Variants in ELMO1 observed in about 807,000 individuals in gnomAD.
ELMO1 encodes engulfment and cell motility 1.
In ELMO1, 26 loss-of-function variants were observed where a neutral mutation model predicts 98.9. That is an observed-to-expected ratio of 0.26 (90% CI 0.19 to 0.36). The LOEUF is 0.36. ELMO1 is among the 10% of genes least tolerant of loss of function. ELMO1 has a pLI of 1.00. For synonymous variants in ELMO1, 346 were observed against 346.0 expected (o/e 1.00, Z 0.00); for missense variants, 627 against 935.2 (o/e 0.67, Z 4.30).
chr7:37,315,475 C>G (rs1023839324), intron 3 of ELMO1, among the ~76,000 whole-genome samples: 7 of 152,136 alleles, frequency 4.6e-5, no homozygotes, highest in African/African-American at 1.7e-4. Flanking sequence ...TTCTTTAGAG[C>G]AGCCACAAAG....
chr7:37,384,348 C>T (rs1422327122), intron 1 of ELMO1, among the ~76,000 whole-genome samples: 1 of 152,090 alleles, frequency 6.6e-6, no homozygotes, highest in East Asian at 1.9e-4. Flanking sequence ...AAAGTGCAAA[C>T]CATTAGAAAA....
At position 37,395,928 on chromosome 7, in the gene ELMO1, T is replaced by C. The variant is rs111758507; in HGVS notation, c.-74+52747A>G. ...AGTGAGAAAAAATGCAATAGTGTCA[T>C]AGTTTTTTGTAGGCAGTCTCAGCTT... On this transcript the variant is annotated intron_variant, in intron 1 of 21. Coordinates refer to ENST00000310758, the MANE Select transcript of ELMO1 (RefSeq NM_014800.11). Among the ~76,000 whole-genome samples, 461 of 151,592 alleles carry C rather than the reference T, an allele frequency of 3.0e-3. 2 individuals carry two copies. Among genetic ancestry groups the C allele is most frequent in the African/African-American group, 0.011 (436 of 41,494 alleles).
At chr7:36,923,632 G>A (rs1414413858) in intron 16 of ELMO1, among the ~76,000 whole-genome samples, 1 of 152,158 alleles carries the variant, frequency 6.6e-6, no homozygotes, top group Non-Finnish European at 1.5e-5. Context: ...GGCACATCCT[G>A]AATTACCTCT....
At chr7:37,316,415 G>C (rs1162107955) in intron 2 of ELMO1, among the ~76,000 whole-genome samples, 1 of 152,216 alleles carries the variant, frequency 6.6e-6, no homozygotes, top group Non-Finnish European at 1.5e-5. Flanking sequence ...AATGGAAAAT[G>C]AGGTGTTACG....
At chr7:37,049,128 C>G (rs116984728) in intron 15 of ELMO1, among the ~76,000 whole-genome samples, 1 of 152,126 alleles carries the variant, frequency 6.6e-6, no homozygotes, top group African/African-American at 2.4e-5. Flanking sequence ...AGCGACCACC[C>G]TGTTAATGTT....
intron 1 of ELMO1, among the ~76,000 whole-genome samples, chr7:37,432,191 A>T (rs1384598240): frequency 6.6e-6 from 1 of 152,134 alleles, no homozygotes; most frequent in Non-Finnish European, 1.5e-5. Context: ...TGATCTATGA[A>T]GTTTTAGTTC....
intron 14 of ELMO1, among the ~76,000 whole-genome samples, chr7:37,127,282 G>T (rs2541074): frequency 0.24 from 36,274 of 152,132 alleles, 5,409 homozygotes; most frequent in African/African-American, 0.43. Flanking sequence ...GACTTCAGAA[G>T]ATCTTTAACT....
chr7:37,324,622 C>T (rs1799701117), intron 2 of ELMO1, among the ~76,000 whole-genome samples: 1 of 152,190 alleles, frequency 6.6e-6, no homozygotes, highest in African/African-American at 2.4e-5. Context: ...CACTCCGTCA[C>T]AAAGGCTGGA....
intron 20 of ELMO1, 90 bp from the exon 21 acceptor site, chr7:36,861,826 G>A (rs1035099597): frequency 4.7e-6 from 6 of 1,266,872 alleles, no homozygotes; most frequent in Non-Finnish European, 6.9e-6. Context: ...CCATGGCATA[G>A]GGCCAGCTTG....
chr7:37,280,111 C>G (rs1390736274), intron 4 of ELMO1, among the ~76,000 whole-genome samples: 1 of 152,210 alleles, frequency 6.6e-6, no homozygotes, highest in Non-Finnish European at 1.5e-5. Flanking sequence ...AGAGAACACC[C>G]TTTTCAACAA....
chr7:37,061,880 T>G (rs534167493), intron 15 of ELMO1, among the ~76,000 whole-genome samples: 1 of 152,262 alleles, frequency 6.6e-6, no homozygotes, highest in Non-Finnish European at 1.5e-5. Context: ...TCCTTTTCAT[T>G]CCTAATATTC....
At chr7:37,124,649 T>C (rs1398708602) in intron 14 of ELMO1, among the ~76,000 whole-genome samples, 1 of 152,160 alleles carries the variant, frequency 6.6e-6, no homozygotes, top group South Asian at 2.1e-4. Context: ...TACAAACAAA[T>C]GGAAGAACAT....
intron 1 of ELMO1, among the ~76,000 whole-genome samples, chr7:37,368,289 A>T (rs968863754): frequency 6.6e-6 from 1 of 152,216 alleles, no homozygotes; most frequent in African/African-American, 2.4e-5. Context: ...GTATAAATCA[A>T]TATATTAAAG....
chr7:36,895,124 A>G, intron 16 of ELMO1, 107 bp from the exon 17 acceptor site: 1 of 1,267,850 alleles, frequency 7.9e-7, no homozygotes, highest in Non-Finnish European at 1.1e-6. Flanking sequence ...CTCTGCACGC[A>G]TGCTCAGCAT....
chr7:36,950,315 C>T (rs1032790034), intron 16 of ELMO1, among the ~76,000 whole-genome samples: 2 of 152,200 alleles, frequency 1.3e-5, no homozygotes, highest in African/African-American at 4.8e-5. Flanking sequence ...CCCACAGTAG[C>T]TTTTTATGTA....
chr7:37,041,292 T>C (rs1795495427), intron 15 of ELMO1, among the ~76,000 whole-genome samples: 1 of 152,188 alleles, frequency 6.6e-6, no homozygotes, highest in Non-Finnish European at 1.5e-5. Context: ...AATGTGATCA[T>C]TTGTCATTTT....
chr7:37,121,338 T>C (rs1050833379), intron 14 of ELMO1, among the ~76,000 whole-genome samples: 24 of 152,176 alleles, frequency 1.6e-4, no homozygotes, highest in African/African-American at 5.5e-4. Flanking sequence ...AGCTAAAGGA[T>C]GAAGGTCGAA....
At chr7:37,369,809 T>A (rs1014400680) in intron 1 of ELMO1, among the ~76,000 whole-genome samples, 1 of 151,860 alleles carries the variant, frequency 6.6e-6, no homozygotes, top group Non-Finnish European at 1.5e-5. Context: ...AGAGAAGATA[T>A]CTTCAATGGT....
At chr7:37,213,696 A>G (rs911793016) in intron 11 of ELMO1, among the ~76,000 whole-genome samples, 2 of 152,118 alleles carry the variant, frequency 1.3e-5, no homozygotes, top group Admixed American at 1.3e-4. Context: ...TGGAAGGGGA[A>G]AAGCGCTGGA....
Sources: gnomAD v4.1 joint callset for allele counts (sites outside exome capture counted in the v4.1 genomes callset) on GRCh38, gnomAD v4.1.1 for gene constraint, MANE v1.5 for transcripts, NCBI Gene and HGNC (gene_info 2026-07-23, HGNC 2026-07-21) for gene names.